KDM7A: variants seen among roughly 807,000 people sequenced by gnomAD.
The protein encoded by KDM7A is lysine demethylase 7A, also known as lysine-specific demethylase 7A.
Under a neutral mutation model 114.8 loss-of-function variants are expected in KDM7A, and 28 were observed. The ratio of observed to expected loss-of-function variants is 0.24; its 90% CI spans 0.18 to 0.33. KDM7A has a LOEUF of 0.33. Among genes scored for constraint, KDM7A ranks in the 10% least tolerant of loss-of-function variants. The pLI is 1.00. For missense variants in KDM7A, 942 were observed against 1,142.5 expected, an observed-to-expected ratio of 0.82 and a Z score of 2.53; for synonymous variants, 423 against 397.8, an observed-to-expected ratio of 1.06 and a Z score of -0.75.
intron 18 of KDM7A, among the ~76,000 whole-genome samples, chr7:140,092,965 T>G (rs1818046940): frequency 6.6e-6 from 1 of 152,148 alleles, no homozygotes; most frequent in East Asian, 1.9e-4. Context: ...ATCCTTCTAG[T>G]CAAAGAACGT....
At chr7:140,146,514 T>C (rs1794341816) in intron 1 of KDM7A, among the ~76,000 whole-genome samples, 1 of 152,210 alleles carries the variant, frequency 6.6e-6, no homozygotes, top group Non-Finnish European at 1.5e-5. Flanking sequence ...TAAGGATCAC[T>C]TTCAAACCTG....
In KDM7A at chr7:140,087,641, A is replaced by G. The variant is rs1394948616; in HGVS notation, c.*3453T>C. 2 of 152,244 alleles carry G rather than the reference A, an allele frequency of 1.3e-5. No individual in the cohort carries two copies. The highest frequency in any genetic ancestry group is 2.9e-5 in the Non-Finnish European group (2 of 68,040). 9.4% of individuals were successfully genotyped at this position (152,244 alleles called of 1,614,324 possible). On this transcript the variant is annotated 3_prime_UTR_variant, in exon 20 of 20. Coordinates refer to ENST00000397560, the MANE Select transcript of KDM7A (RefSeq NM_030647.2). The stretch of plus-strand genomic sequence containing the variant: ...TCCAAATTTACAAATGAGAAAACTA[A>G]GAGAAAGAGTTAAGTGACTTATTCA...
At chr7:140,139,274 A>G (rs1794229347) in intron 1 of KDM7A, 84 bp from the exon 2 acceptor site, 1 of 848,638 alleles carries the variant, frequency 1.2e-6, no homozygotes, top group Admixed American at 1.9e-5. Context: ...AATTTAGCTG[A>G]GAAATGTACA....
At chr7:140,169,192 C>G (rs1439819351) in intron 1 of KDM7A, among the ~76,000 whole-genome samples, 2 of 152,042 alleles carry the variant, frequency 1.3e-5, no homozygotes, top group South Asian at 2.1e-4. Flanking sequence ...GGAAAAATAA[C>G]CTTTTCATTA....
intron 1 of KDM7A, among the ~76,000 whole-genome samples, chr7:140,150,809 G>A (rs1391266039): frequency 1.3e-5 from 2 of 151,442 alleles, no homozygotes; most frequent in Non-Finnish European, 2.9e-5. Flanking sequence ...TAATGAGTGT[G>A]GCCCAATAAT....
At chr7:140,173,639 T>C (rs553169107) in intron 1 of KDM7A, among the ~76,000 whole-genome samples, 2 of 152,304 alleles carry the variant, frequency 1.3e-5, no homozygotes, top group Admixed American at 6.5e-5. Flanking sequence ...TCCTCCTTGC[T>C]CCTCTACAGA....
At chr7:140,142,213 C>T (rs1050438840) in intron 1 of KDM7A, among the ~76,000 whole-genome samples, 3 of 150,968 alleles carry the variant, frequency 2.0e-5, no homozygotes, top group Non-Finnish European at 4.4e-5. Flanking sequence ...ATCTTTATGA[C>T]TTTATGACAG....
At chr7:140,151,121 G>A (rs1794395767) in intron 1 of KDM7A, among the ~76,000 whole-genome samples, 1 of 151,982 alleles carries the variant, frequency 6.6e-6, no homozygotes, top group African/African-American at 2.4e-5. Context: ...GTGAGCCACC[G>A]TGCCCGGCCA....
chr7:140,134,582 A>G (rs1365405492), intron 2 of KDM7A, among the ~76,000 whole-genome samples: 1 of 151,968 alleles, frequency 6.6e-6, no homozygotes, highest in Non-Finnish European at 1.5e-5. Context: ...AAGCTTGAAA[A>G]TTACTCTTAA....
chr7:140,092,076 T>A lies in KDM7A; in HGVS notation c.2459A>T (p.Asp820Val), dbSNP rs1199583376. 6.2e-7 allele frequency: 1 copy of A among 1,613,856 alleles called. No individual in the cohort carries two copies. The highest frequency in any genetic ancestry group is 8.5e-7 in the Non-Finnish European group (1 of 1,179,884). ...GATGCATTTCTGGCTTCTACTTAGA[T>A]CCTGAAGGAGGAGGAAGGACATGAG... ...QFDTSRFHPQ[D>V]LSRSQKCIRK... Residue 820 changes from aspartate to valine, a missense_variant and splice_region_variant, in exon 19 of 20, where the codon GAT (aspartate) becomes GTT (valine). Asp to Val is a radical substitution (Grantham distance 152). Coordinates refer to ENST00000397560, the MANE Select transcript of KDM7A (RefSeq NM_030647.2).
intron 18 of KDM7A, 25 bp from the exon 19 acceptor site, chr7:140,092,102 G>A (rs1207014548): frequency 3.7e-6 from 6 of 1,611,850 alleles, no homozygotes; most frequent in Non-Finnish European, 5.1e-6. Flanking sequence ...AGGACATGAG[G>A]CTGAATTTTT....
Position 140,113,477 on chromosome 7 carries a change from T to C in KDM7A, c.1338+14A>G, listed in dbSNP as rs780206370. On this transcript the variant is annotated intron_variant, in intron 10 of 19. Coordinates refer to ENST00000397560, the MANE Select transcript of KDM7A (RefSeq NM_030647.2). ...GGCATAAAACACAGTGATTTCACTG[T>C]TGAAACAACTTACTTCTTTTTTCAT... 3 of 1,470,110 alleles carry C rather than the reference T, an allele frequency of 2.0e-6. No individual in the cohort carries two copies. Among genetic ancestry groups the C allele is most frequent in the Admixed American group, 3.6e-5 (2 of 56,270 alleles). The allele number at this position is 1,470,110 out of a possible 1,614,324, so 91.1% of individuals were successfully genotyped here.
At chr7:140,171,573 A>ATTTATATT (rs35182288) in intron 1 of KDM7A, among the ~76,000 whole-genome samples, 16 of 144,586 alleles carry the variant, frequency 1.1e-4, no homozygotes, top group Non-Finnish European at 2.1e-4. Context: ...ATATATTTAT[A>ATTTATATT]TATATATATT....
At chr7:140,170,964 T>C (rs1794631446) in intron 1 of KDM7A, among the ~76,000 whole-genome samples, 1 of 152,092 alleles carries the variant, frequency 6.6e-6, no homozygotes, top group Non-Finnish European at 1.5e-5. Context: ...GCATGGCACA[T>C]CTGTAATCCC....
At chr7:140,163,911 G>T (rs1312138681) in intron 1 of KDM7A, among the ~76,000 whole-genome samples, 2 of 152,020 alleles carry the variant, frequency 1.3e-5, no homozygotes, top group Non-Finnish European at 2.9e-5. Flanking sequence ...AAATCAAAAA[G>T]AAATTTTCTA....
rs1445387709 is a variant in KDM7A, at chr7:140,084,857, A to G, written c.*6237T>C. On this transcript the variant is annotated 3_prime_UTR_variant, in exon 20 of 20. Coordinates refer to ENST00000397560, the MANE Select transcript of KDM7A (RefSeq NM_030647.2). ...AAATACACTAAGTGCTAAAAAAATC[A>G]AAACAGAAGTAATACAATTTTAATT... 1 of 152,174 alleles carries G rather than the reference A, an allele frequency of 6.6e-6. No individual in the cohort carries two copies. The highest frequency in any genetic ancestry group is 1.5e-5 in the Non-Finnish European group (1 of 68,048). The allele number at this position is 152,174 out of a possible 1,614,324, so 9.4% of individuals were successfully genotyped here.
At chr7:140,091,240 G>A in intron 19 of KDM7A, 52 bp from the exon 20 acceptor site, 6 of 1,239,238 alleles carry the variant, frequency 4.8e-6, no homozygotes, top group Non-Finnish European at 7.2e-6. Context: ...ACACTTAAGA[G>A]AGCACCTGGA....
intron 12 of KDM7A, among the ~76,000 whole-genome samples, chr7:140,101,085 T>C (rs1818218215): frequency 6.6e-6 from 1 of 151,734 alleles, no homozygotes; most frequent in African/African-American, 2.4e-5. Context: ...CCTGACTTAG[T>C]CTCCTAAGTA....
chr7:140,095,366 A>C (rs191851218), intron 17 of KDM7A, among the ~76,000 whole-genome samples: 3 of 152,336 alleles, frequency 2.0e-5, no homozygotes, highest in Admixed American at 1.3e-4. Context: ...TTCTTCCATT[A>C]CCAACGCAAC....
Sources: gnomAD v4.1 joint callset for allele counts (sites outside exome capture counted in the v4.1 genomes callset) on GRCh38, gnomAD v4.1.1 for gene constraint, MANE v1.5 for transcripts, NCBI Gene and HGNC (gene_info 2026-07-23, HGNC 2026-07-21) for gene names.